PANK2: variants seen among roughly 807,000 people sequenced by gnomAD.
PANK2 encodes pantothenate kinase 2, mitochondrial.
A neutral mutation model predicts 43.1 loss-of-function variants in PANK2; 36 were observed. That is an observed-to-expected ratio of 0.84 (90% CI 0.64 to 1.10). The LOEUF is 1.10. PANK2 is among the 50% of genes least tolerant of loss of function. The pLI is 0.00. For missense variants in PANK2, 576 were observed against 593.3 expected, an observed-to-expected ratio of 0.97 and a Z score of 0.30; for synonymous variants, 281 against 238.2, an observed-to-expected ratio of 1.18 and a Z score of -1.66.
At chr20:3,916,823 A>G (rs767723103) in intron 4 of PANK2, 104 bp from the exon 5 acceptor site, 343 of 1,505,818 alleles carry the variant, frequency 2.3e-4, no homozygotes, top group Non-Finnish European at 3.0e-4. Context: ...GATTTCAACA[A>G]TGTTGCCCTA....
intron 1 of PANK2, among the ~76,000 whole-genome samples, chr20:3,897,229 T>C (rs187610632): frequency 3.3e-5 from 5 of 152,220 alleles, no homozygotes; most frequent in African/African-American, 1.2e-4. Flanking sequence ...AGACCTATTA[T>C]GGGACCTTGT....
chr20:3,922,563 G>T (rs2090662744), intron 6 of PANK2, among the ~76,000 whole-genome samples: 1 of 152,148 alleles, frequency 6.6e-6, no homozygotes, highest in South Asian at 2.1e-4. Context: ...TTCTGGGCCA[G>T]TGATCCAGGT....
intron 1 of PANK2, chr20:3,901,434 ATT>A: frequency 5.5e-6 from 1 of 182,034 alleles, no homozygotes; most frequent in Non-Finnish European, 1.0e-5. Flanking sequence ...TGTGAAAGTC[ATT>A]TTTTTTTTCT....
At chr20:3,889,280 T>A, upstream of PANK2, 1 of 1,610,168 alleles carries the variant, frequency 6.2e-7, no homozygotes, top group South Asian at 1.1e-5. Context: ...CTCCTCGAGT[T>A]AGGGAGCCGA....
chr20:3,928,517 G>A lies in PANK2; in HGVS notation c.*5223G>A, dbSNP rs2090761769. 1 of 152,156 alleles carries A rather than the reference G, an allele frequency of 6.6e-6. No homozygotes were observed. The highest frequency in any genetic ancestry group is 2.4e-5 in the African/African-American group (1 of 41,414). 9.4% of individuals were successfully genotyped at this position (152,156 alleles called of 1,614,324 possible). A position where few individuals can be genotyped will look rare whatever the true frequency, so the allele number is the denominator to read the frequency against. ...TCACGCCTGTAATCCCAGCACTTTGGGAGGTCAAGGCAGGTGCATCACGAG... is the reference window on the plus strand; with the variant it reads ...TCACGCCTGTAATCCCAGCACTTTGAGAGGTCAAGGCAGGTGCATCACGAG... On this transcript the variant is annotated 3_prime_UTR_variant, in exon 7 of 7. Transcript: ENST00000610179.
chr20:3,914,664 A>G (rs1401109507), intron 4 of PANK2, among the ~76,000 whole-genome samples: 1 of 151,750 alleles, frequency 6.6e-6, no homozygotes, highest in Non-Finnish European at 1.5e-5. Context: ...CAGTGACACC[A>G]TCTTATCTCA....
chr20:3,900,381 A>T lies in PANK2; in HGVS notation c.299-7545A>T, dbSNP rs1037157203. ...TTGCCAAATGAAACACTGGTCTTGA[A>T]ACAAGGTATGACCTTTACTGTACTA... On this transcript the variant is annotated intron_variant, in intron 1 of 6. Transcript: ENST00000610179. 7.3e-5 allele frequency among the ~76,000 whole-genome samples: 11 copies of T among 151,632 alleles called. No individual in the cohort carries two copies. The South Asian group carries it at 8.3e-4, about 11-fold the overall frequency.
rs2090707104 is a variant in PANK2, at chr20:3,925,504, G to A, written c.*2210G>A. 6.6e-6 allele frequency: 1 copy of A among 152,316 alleles called. No homozygotes were observed. The highest frequency in any genetic ancestry group is 2.1e-4 in the South Asian group (1 of 4,838). 9.4% of individuals were successfully genotyped at this position (152,316 alleles called of 1,614,324 possible). A position where few individuals can be genotyped will look rare whatever the true frequency, so the allele number is the denominator to read the frequency against. On this transcript the variant is annotated 3_prime_UTR_variant, in exon 7 of 7. Transcript: ENST00000610179. ...CTGCCTTGGCCTCCCAAAGTGCTGG[G>A]AATACAGGTGTGAGCCCCTGCGCCC... is the stretch of plus-strand genomic sequence containing the variant.
At chr20:3,902,167 T>TAAAA (rs893853200) in intron 1 of PANK2, among the ~76,000 whole-genome samples, 9 of 150,632 alleles carry the variant, frequency 6.0e-5, no homozygotes, top group Non-Finnish European at 7.4e-5. Context: ...CTCTCTCTTT[T>TAAAA]TTTTTTTTTT....
intron 5 of PANK2, among the ~76,000 whole-genome samples, 160 bp from the exon 6 acceptor site, chr20:3,918,511 C>A (rs1600571097): frequency 6.6e-6 from 1 of 152,020 alleles, no homozygotes; most frequent in African/African-American, 2.4e-5. Context: ...CCAGAGTTGT[C>A]TGGGGATCAA....
intron 1 of PANK2, among the ~76,000 whole-genome samples, chr20:3,895,407 C>T (rs903989627): frequency 4.6e-5 from 7 of 151,338 alleles, no homozygotes; most frequent in East Asian, 1.9e-4. Context: ...TGCTTGAGCC[C>T]GGAAGATTGA....
chr20:3,917,118 C>T lies in PANK2; in HGVS notation c.1206+68C>T, dbSNP rs879236639. Reference sequence around the variant, plus strand: ...TGAACTTAAGTGGGCCCCATCACGTCTGTTTTCTCAGAACAGTGCCTAAAT... The same window carrying T: ...TGAACTTAAGTGGGCCCCATCACGTTTGTTTTCTCAGAACAGTGCCTAAAT... On this transcript the variant is annotated intron_variant, in intron 5 of 6. Transcript: ENST00000610179. 5 of 1,595,302 alleles carry T rather than the reference C, an allele frequency of 3.1e-6. No homozygotes were observed. The South Asian group carries it at 4.4e-5, about 14-fold the overall frequency.
chr20:3,910,004 C>T (rs1436198195), intron 2 of PANK2, among the ~76,000 whole-genome samples: 13 of 152,156 alleles, frequency 8.5e-5, no homozygotes, highest in Non-Finnish European at 1.0e-4. Flanking sequence ...CAAATTTTGA[C>T]TGCTAAAATT....
At chr20:3,897,053 T>G (rs1341258506) in intron 1 of PANK2, among the ~76,000 whole-genome samples, 1 of 152,168 alleles carries the variant, frequency 6.6e-6, no homozygotes, top group Non-Finnish European at 1.5e-5. Context: ...TCCAGGTACA[T>G]AGTCGTTGGA....
At chr20:3,923,222 T>C (rs770054344) in intron 6 of PANK2, 22 bp from the exon 7 acceptor site, 3 of 1,613,858 alleles carry the variant, frequency 1.9e-6, no homozygotes, top group Middle Eastern at 1.7e-4. Context: ...ATTGCACTTA[T>C]TTTTGGTGTA....
In PANK2 at chr20:3,917,575, A is replaced by G. The variant is rs765699037; in HGVS notation, c.1206+525A>G. The G allele has an allele frequency of 1.3e-5, 7 of 521,092 alleles. No homozygotes were observed. In the Admixed American group the frequency reaches 1.4e-4, roughly 10 times the overall value. The allele number at this position is 521,092 out of a possible 1,614,324, so 32.3% of individuals were successfully genotyped here. A position where few individuals can be genotyped will look rare whatever the true frequency, so the allele number is the denominator to read the frequency against. ...GTACAGGGCTATGAAAGAACCAAGA[A>G]TGGGCTGCCCTTGGGAAAAGAGGAT... On this transcript the variant is annotated intron_variant, in intron 5 of 6. Coordinates refer to ENST00000610179, the MANE Select transcript of PANK2 (RefSeq NM_001386393.1).
At chr20:3,915,450 G>A (rs188784251) in intron 4 of PANK2, among the ~76,000 whole-genome samples, 9 of 151,912 alleles carry the variant, frequency 5.9e-5, no homozygotes, top group African/African-American at 1.4e-4. Context: ...AGTGCGTGCC[G>A]CCACACCCAG....
At chr20:3,899,854 C>G (rs997060531) in intron 1 of PANK2, among the ~76,000 whole-genome samples, 17 of 151,144 alleles carry the variant, frequency 1.1e-4, no homozygotes, top group African/African-American at 3.4e-4. Flanking sequence ...ACCACAGGCA[C>G]CTGCCACCAT....
At chr20:3,900,957 T>TG (rs1032734278) in intron 1 of PANK2, among the ~76,000 whole-genome samples, 83 of 151,746 alleles carry the variant, frequency 5.5e-4, no homozygotes, top group Non-Finnish European at 7.8e-4. Context: ...TTAGTAGAGA[T>TG]GGGGGTTTCA....
Sources: allele counts gnomAD v4.1 joint callset (sites outside exome capture counted in the v4.1 genomes callset), GRCh38; gene constraint gnomAD v4.1.1; transcripts MANE v1.5; gene names NCBI Gene and HGNC (gene_info 2026-07-23, HGNC 2026-07-21).